The following WASF1 variants were observed in gnomAD, a reference collection of about 807,000 sequenced individuals.
The protein encoded by WASF1 is actin-binding protein WASF1.
Under a neutral mutation model 50.5 loss-of-function variants are expected in WASF1, and 7 were observed. That is an observed-to-expected ratio of 0.14 (90% CI 0.08 to 0.26). WASF1 has a LOEUF of 0.26. Ranked by LOEUF, WASF1 falls within the 10% of genes least tolerant of loss-of-function variation. WASF1 has a pLI of 1.00. For missense variants in WASF1, 470 were observed against 694.7 expected (o/e 0.68, Z 3.64); for synonymous variants, 205 against 244.0 (o/e 0.84, Z 1.49).
At chr6:110,110,978 A>G (rs1474180064) in intron 5 of WASF1, among the ~76,000 whole-genome samples, 1 of 152,200 alleles carries the variant, frequency 6.6e-6, no homozygotes, top group Admixed American at 6.5e-5. Flanking sequence ...GAAACTAGGT[A>G]TAATTCTGAC....
intron 2 of WASF1, among the ~76,000 whole-genome samples, chr6:110,172,920 AAAT>A (rs1367608329): frequency 6.6e-6 from 1 of 152,122 alleles, no homozygotes; most frequent in Non-Finnish European, 1.5e-5. Flanking sequence ...AAATCTATAA[AAAT>A]AATTTTAAGA....
At chr6:110,160,177 T>G (rs1562187238) in intron 3 of WASF1, among the ~76,000 whole-genome samples, 1 of 151,982 alleles carries the variant, frequency 6.6e-6, no homozygotes, top group East Asian at 1.9e-4. Flanking sequence ...GAAAAACAGC[T>G]GATTTAAAAT....
intron 2 of WASF1, among the ~76,000 whole-genome samples, chr6:110,174,852 G>A (rs1446569611): frequency 6.6e-6 from 1 of 152,070 alleles, no homozygotes; most frequent in Non-Finnish European, 1.5e-5. Context: ...ACAGCACCCT[G>A]ATCTTTCCAC....
intron 2 of WASF1, among the ~76,000 whole-genome samples, chr6:110,166,610 G>A (rs1776488202): frequency 6.6e-6 from 1 of 151,858 alleles, no homozygotes. Flanking sequence ...CAAAAATATT[G>A]CTAGTTGTAT....
At chr6:110,175,893 G>A (rs1453770477) in intron 2 of WASF1, among the ~76,000 whole-genome samples, 1 of 151,862 alleles carries the variant, frequency 6.6e-6, no homozygotes, top group Non-Finnish European at 1.5e-5. Context: ...AATTATTATA[G>A]GTATTTTAAT....
At chr6:110,178,961 C>G (rs1777065953) in intron 1 of WASF1, among the ~76,000 whole-genome samples, 1 of 152,236 alleles carries the variant, frequency 6.6e-6, no homozygotes, top group South Asian at 2.1e-4. Flanking sequence ...CTCGCTTTAC[C>G]GTTATGTTTT....
rs1345568616 is a variant in WASF1, at chr6:110,120,800, C to T, written c.133+6669G>A. Among the ~76,000 whole-genome samples, 5 of 152,266 alleles carry T rather than the reference C, an allele frequency of 3.3e-5. No homozygotes were observed. In the East Asian group the frequency reaches 7.7e-4, roughly 24 times the overall value. On this transcript the variant is annotated intron_variant, in intron 4 of 10. Transcript: ENST00000392589. ...GACTTCAAACTACACTACAAGGCTA[C>T]AGTAACCAAAACAGCATGGTACTGG...
rs181425433 is a variant in WASF1, at chr6:110,154,245, A to C, written c.-29+6390T>G. 7.2e-5 allele frequency among the ~76,000 whole-genome samples: 11 copies of C among 152,222 alleles called. No individual in the cohort carries two copies. The East Asian group carries it at 2.1e-3, about 29-fold the overall frequency. The stretch of plus-strand genomic sequence containing the variant: ...GTGGTCTATATACCTAATACAATAC[A>C]ATATCATATGGATTACAACGATGTG... On this transcript the variant is annotated intron_variant, in intron 3 of 10. Coordinates refer to ENST00000392589, the MANE Select transcript of WASF1 (RefSeq NM_003931.3).
chr6:110,175,037 T>G (rs1443361633), intron 2 of WASF1, among the ~76,000 whole-genome samples: 1 of 152,156 alleles, frequency 6.6e-6, no homozygotes. Context: ...TTTCTCAATC[T>G]GCCTTCAGCT....
At chr6:110,178,092 T>TAA (rs1777011506) in intron 2 of WASF1, among the ~76,000 whole-genome samples, 2 of 151,288 alleles carry the variant, frequency 1.3e-5, no homozygotes, top group East Asian at 3.9e-4. Flanking sequence ...GAATAAAAAA[T>TAA]AAAATCAGAT....
intron 3 of WASF1, among the ~76,000 whole-genome samples, chr6:110,138,129 G>A (rs954111612): frequency 6.6e-6 from 1 of 152,256 alleles, no homozygotes; most frequent in Non-Finnish European, 1.5e-5. Context: ...TGGCCACTGT[G>A]CATAGCCAAG....
At chr6:110,173,829 A>T (rs1283904666) in intron 2 of WASF1, among the ~76,000 whole-genome samples, 1 of 152,162 alleles carries the variant, frequency 6.6e-6, no homozygotes, top group Non-Finnish European at 1.5e-5. Context: ...AAATTATTCA[A>T]CCTCTGGGCA....
At position 110,100,293 on chromosome 6, in the gene WASF1, T is replaced by A. The variant is rs1422663012; in HGVS notation, c.*229A>T. The A allele has an allele frequency of 4.6e-6, 2 of 431,302 alleles. No individual in the cohort carries two copies. Among genetic ancestry groups the A allele is most frequent in the Non-Finnish European group, 8.2e-6 (2 of 244,674 alleles). 26.7% of individuals were successfully genotyped at this position (431,302 alleles called of 1,614,324 possible). On this transcript the variant is annotated 3_prime_UTR_variant, in exon 11 of 11. Transcript: ENST00000392589. The stretch of plus-strand genomic sequence containing the variant: ...TCCATGCTTAATACTTAGTGGTTTA[T>A]TTGACCAAATTAGTCTTTTCAGGGG...
chr6:110,107,030 C>T (rs1773352582), intron 7 of WASF1, 47 bp downstream of exon 7: 2 of 1,359,960 alleles, frequency 1.5e-6, no homozygotes, highest in Non-Finnish European at 2.1e-6. Context: ...TGCAACAAAA[C>T]ACAAATATAC....
chr6:110,112,304 T>C (rs1379226059), intron 5 of WASF1, among the ~76,000 whole-genome samples: 3 of 152,096 alleles, frequency 2.0e-5, no homozygotes, highest in African/African-American at 7.2e-5. Flanking sequence ...CAATTCTCTG[T>C]GGTAGGTAAG....
intron 3 of WASF1, among the ~76,000 whole-genome samples, chr6:110,130,149 CTATT>C (rs1356091689): frequency 2.0e-5 from 3 of 152,174 alleles, no homozygotes; most frequent in South Asian, 2.1e-4. Flanking sequence ...TTCCTCTGAC[CTATT>C]TGTTTAGCAT....
intron 3 of WASF1, among the ~76,000 whole-genome samples, chr6:110,160,419 T>C (rs1221760935): frequency 1.3e-5 from 2 of 151,742 alleles, no homozygotes; most frequent in African/African-American, 4.8e-5. Flanking sequence ...GTGTGCTACC[T>C]TTAACAGAAA....
chr6:110,153,572 G>C (rs1775919323), intron 3 of WASF1, among the ~76,000 whole-genome samples: 1 of 151,952 alleles, frequency 6.6e-6, no homozygotes, highest in Non-Finnish European at 1.5e-5. Context: ...CATGTACAGT[G>C]GTATCTCATA....
intron 2 of WASF1, among the ~76,000 whole-genome samples, chr6:110,164,427 G>C (rs1375327224): frequency 6.6e-6 from 1 of 151,674 alleles, no homozygotes; most frequent in Non-Finnish European, 1.5e-5. Context: ...GAGATACACT[G>C]ACTGCATGAT....
Sources: gnomAD v4.1 joint callset for allele counts (sites outside exome capture counted in the v4.1 genomes callset) on GRCh38, gnomAD v4.1.1 for gene constraint, MANE v1.5 for transcripts, NCBI Gene and HGNC (gene_info 2026-07-23, HGNC 2026-07-21) for gene names.